SPHKAP: variants seen among roughly 807,000 people sequenced by gnomAD.
The protein encoded by SPHKAP is SPHK1 interactor, AKAP domain containing, also known as A-kinase anchor protein SPHKAP.
Under a neutral mutation model 137.5 loss-of-function variants are expected in SPHKAP, and 67 were observed. The ratio of observed to expected loss-of-function variants is 0.49; its 90% CI spans 0.40 to 0.60. SPHKAP has a LOEUF of 0.60. Among genes scored for constraint, SPHKAP ranks in the 20% least tolerant of loss-of-function variants. The pLI is 0.00. For missense variants in SPHKAP, 2,097 were observed against 2,069.3 expected, an observed-to-expected ratio of 1.01 and a Z score of -0.26; for synonymous variants, 813 against 785.3, an observed-to-expected ratio of 1.04 and a Z score of -0.59.
intron 3 of SPHKAP, among the ~76,000 whole-genome samples, chr2:228,078,380 C>CGTTTTTTTTT (rs1491221427): frequency 7.8e-6 from 1 of 128,198 alleles, no homozygotes; most frequent in African/African-American, 2.9e-5. Flanking sequence ...TGTTGGCAGA[C>CGTTTTTTTTT]TTTTTTTTTT....
chr2:228,040,381 C>G (rs912867278), intron 3 of SPHKAP, among the ~76,000 whole-genome samples: 3 of 152,108 alleles, frequency 2.0e-5, no homozygotes, highest in Admixed American at 6.6e-5. Flanking sequence ...AAGAATATGA[C>G]ATTTTCTGCC....
rs751383452 is a variant in SPHKAP at position 228,017,667 on chromosome 2, C to T, written c.3187G>A (p.Gly1063Ser). Residue 1063 changes from glycine (G) to serine (S), a missense_variant, in exon 7 of 12, where the codon GGC (glycine) becomes AGC (serine). Transcript: ENST00000392056. The stretch of plus-strand genomic sequence containing the variant: ...CTCAGTAACCGATTCCGGGGATAGC[C>T]CTGCGCCTGCCACATGCCGTCCACC... ...SMVDGMWQAQ[G>S]YPRNRLLSGD... 2 of 1,614,016 alleles carry T rather than the reference C, an allele frequency of 1.2e-6. No individual in the cohort carries two copies.
intron 1 of SPHKAP, among the ~76,000 whole-genome samples, chr2:228,142,102 G>T (rs966281572): frequency 6.6e-6 from 1 of 152,090 alleles, no homozygotes; most frequent in Non-Finnish European, 1.5e-5. Flanking sequence ...GGCTTGAGAC[G>T]CTCATGTTGA....
At chr2:228,106,930 A>T (rs1057497510) in intron 3 of SPHKAP, among the ~76,000 whole-genome samples, 6 of 152,202 alleles carry the variant, frequency 3.9e-5, no homozygotes, top group African/African-American at 1.4e-4. Flanking sequence ...GATACTTTTT[A>T]AAAATGTTTT....
intron 1 of SPHKAP, among the ~76,000 whole-genome samples, chr2:228,140,936 A>T (rs1241610395): frequency 2.0e-5 from 3 of 152,190 alleles, no homozygotes; most frequent in African/African-American, 7.2e-5. Context: ...AGCCTGCAGA[A>T]CTATGAGCCA....
At chr2:227,990,042 A>C (rs753424906) in intron 11 of SPHKAP, among the ~76,000 whole-genome samples, 2 of 152,222 alleles carry the variant, frequency 1.3e-5, no homozygotes, top group Non-Finnish European at 2.9e-5. Context: ...CTGGGCACTG[A>C]GAGCAGCCCT....
chr2:228,172,926 A>G, intron 1 of SPHKAP: 1 of 528,800 alleles, frequency 1.9e-6, no homozygotes, highest in Non-Finnish European at 2.4e-6. Context: ...TTATGTCACT[A>G]TGTCTTATAT....
intron 3 of SPHKAP, among the ~76,000 whole-genome samples, chr2:228,028,642 T>C (rs6736013): frequency 0.38 from 58,224 of 152,068 alleles, 11,600 homozygotes; most frequent in South Asian, 0.51. Context: ...CAGTTGCCTG[T>C]GGTATTTAGG....
At position 228,110,349 on chromosome 2, in the gene SPHKAP, T is replaced by C. The variant is rs142799592; in HGVS notation, c.139-1410A>G. On this transcript the variant is annotated intron_variant, in intron 2 of 11. Coordinates refer to ENST00000392056, the MANE Select transcript of SPHKAP (RefSeq NM_001142644.2). ...TATAATAATATAAAATATAATCGCA[T>C]ATCAAAATATCATTTATTATATTAG... 3.3e-5 allele frequency among the ~76,000 whole-genome samples: 5 copies of C among 152,168 alleles called. No individual in the cohort carries two copies. In the East Asian group the frequency reaches 9.7e-4, roughly 29 times the overall value.
chr2:228,014,542 C>G (rs754537427), intron 7 of SPHKAP, among the ~76,000 whole-genome samples: 1 of 152,110 alleles, frequency 6.6e-6, no homozygotes, highest in African/African-American at 2.4e-5. Flanking sequence ...ATGCTTTCTC[C>G]TTATTCTTCC....
intron 3 of SPHKAP, among the ~76,000 whole-genome samples, chr2:228,055,143 A>T (rs13031514): frequency 1.4e-4 from 1 of 7,400 alleles, no homozygotes. Flanking sequence ...ACTCCACTCC[A>T]AAAAAAAAAA....
Position 228,025,418 on chromosome 2 carries a change from G to A in SPHKAP, c.417C>T (p.Leu139=). The A allele has an allele frequency of 1.2e-6, 2 of 1,613,798 alleles. No homozygotes were observed. Among genetic ancestry groups the A allele is most frequent in the Non-Finnish European group, 1.7e-6 (2 of 1,179,882 alleles). ...VVLSGLASGN[L]QADFEVSQCP... ...CCTGTGAAACTTCAAAATCTGCCTGGAGATTTCCAGAGGCTAACCCACTTA... is the reference window on the plus strand; with the variant it reads ...CCTGTGAAACTTCAAAATCTGCCTGAAGATTTCCAGAGGCTAACCCACTTA... The change falls in exon 5 of 12, where the codon CTC becomes CTT. Residue 139 remains leucine (L), a synonymous_variant. Transcript: ENST00000392056.
intron 3 of SPHKAP, among the ~76,000 whole-genome samples, chr2:228,056,177 AG>A (rs1482291781): frequency 6.6e-6 from 1 of 152,238 alleles, no homozygotes; most frequent in African/African-American, 2.4e-5. Context: ...CACAATTTAT[AG>A]AAACGGTTGT....
At chr2:228,141,032 T>C (rs1361998860) in intron 1 of SPHKAP, among the ~76,000 whole-genome samples, 1 of 152,208 alleles carries the variant, frequency 6.6e-6, no homozygotes, top group Non-Finnish European at 1.5e-5. Flanking sequence ...ATTATATTGC[T>C]GCCAAATAAC....
intron 5 of SPHKAP, chr2:228,022,186 T>C: frequency 2.2e-5 from 22 of 985,162 alleles, no homozygotes; most frequent in Non-Finnish European, 2.5e-5. Context: ...TAGGGAAAAA[T>C]AGATCGGCTG....
intron 3 of SPHKAP, among the ~76,000 whole-genome samples, chr2:228,084,108 G>GA (rs749630608): frequency 1.3e-3 from 162 of 120,270 alleles, no homozygotes; most frequent in East Asian, 4.0e-3. Flanking sequence ...AAAAGAAGAA[G>GA]AAAAAAAAAA....
At chr2:228,075,413 G>A (rs1332517961) in intron 3 of SPHKAP, among the ~76,000 whole-genome samples, 2 of 151,914 alleles carry the variant, frequency 1.3e-5, no homozygotes, top group Non-Finnish European at 2.9e-5. Context: ...ATTACCAAAG[G>A]CTTGCTTCTT....
intron 1 of SPHKAP, among the ~76,000 whole-genome samples, chr2:228,139,665 G>T (rs1332997089): frequency 6.6e-6 from 1 of 152,092 alleles, no homozygotes; most frequent in Non-Finnish European, 1.5e-5. Flanking sequence ...TCAAGCAAGT[G>T]AGCATGATAA....
chr2:228,159,693 T>A (rs1700218539), intron 1 of SPHKAP, among the ~76,000 whole-genome samples: 1 of 152,202 alleles, frequency 6.6e-6, no homozygotes, highest in Non-Finnish European at 1.5e-5. Context: ...AGTCAGGAAG[T>A]ATATGTGAAG....
Sources: gnomAD v4.1 joint callset for allele counts (sites outside exome capture counted in the v4.1 genomes callset) on GRCh38, gnomAD v4.1.1 for gene constraint, MANE v1.5 for transcripts, NCBI Gene and HGNC (gene_info 2026-07-23, HGNC 2026-07-21) for gene names.